PKIB: variants seen among roughly 807,000 people sequenced by gnomAD.
The protein encoded by PKIB is PKI-beta.
In PKIB, 2 loss-of-function variants were observed where a neutral mutation model predicts 4.5. That is an observed-to-expected ratio of 0.44 (90% CI 0.18 to 1.39). PKIB has a LOEUF of 1.39. Ranked by LOEUF, PKIB falls within the 40% of genes most tolerant of loss-of-function variation. The probability of loss-of-function intolerance (pLI) is 0.27; values close to 1 mark genes in which losing one functional copy is unlikely to be tolerated. For missense variants in PKIB, 94 were observed against 92.6 expected (o/e 1.02, Z -0.06); for synonymous variants, 38 against 36.0 (o/e 1.06, Z -0.20).
chr6:122,673,380 T>C (rs1342135893), intron 2 of PKIB, among the ~76,000 whole-genome samples: 1 of 152,242 alleles, frequency 6.6e-6, no homozygotes, highest in African/African-American at 2.4e-5. Context: ...TCATGTCTTT[T>C]AGGTGTGTAT....
At chr6:122,616,855 G>A (rs1037039273) in intron 1 of PKIB, among the ~76,000 whole-genome samples, 8 of 152,022 alleles carry the variant, frequency 5.3e-5, no homozygotes, top group South Asian at 2.1e-4. Context: ...CACTAATTTC[G>A]TTTATTCTCC....
At chr6:122,588,368 A>G (rs1257448497) in intron 3 of PKIB, among the ~76,000 whole-genome samples, 1 of 152,092 alleles carries the variant, frequency 6.6e-6, no homozygotes, top group Non-Finnish European at 1.5e-5. Flanking sequence ...ATTGGTCTAG[A>G]TTCAATGCCA....
At chr6:122,676,610 A>G (rs1777685449) in intron 3 of PKIB, among the ~76,000 whole-genome samples, 1 of 152,198 alleles carries the variant, frequency 6.6e-6, no homozygotes, top group African/African-American at 2.4e-5. Context: ...ATTCCAGGAT[A>G]TCACTGAAAC....
intron 2 of PKIB, among the ~76,000 whole-genome samples, chr6:122,652,515 A>C (rs1001206100): frequency 6.6e-6 from 1 of 152,184 alleles, no homozygotes; most frequent in African/African-American, 2.4e-5. Context: ...AAACCCACCC[A>C]GATTATTGAT....
At chr6:122,516,252 T>C (rs1243269424) in intron 2 of PKIB, among the ~76,000 whole-genome samples, 1 of 152,196 alleles carries the variant, frequency 6.6e-6, no homozygotes, top group Non-Finnish European at 1.5e-5. Flanking sequence ...GGTCTTCTGC[T>C]TCTCTCATCA....
intron 2 of PKIB, among the ~76,000 whole-genome samples, chr6:122,663,410 A>G (rs1479948934): frequency 2.6e-5 from 4 of 152,208 alleles, no homozygotes; most frequent in Admixed American, 2.6e-4. Flanking sequence ...AGAGTCTACC[A>G]TCATCCCTAC....
chr6:122,699,119 C>A (rs191271564), intron 3 of PKIB, among the ~76,000 whole-genome samples: 3 of 152,206 alleles, frequency 2.0e-5, no homozygotes, highest in African/African-American at 4.8e-5. Context: ...TGTGCAGTAG[C>A]AAGGCTGCTG....
chr6:122,538,562 T>C (rs1483832959), intron 2 of PKIB, among the ~76,000 whole-genome samples: 1 of 152,108 alleles, frequency 6.6e-6, no homozygotes, highest in East Asian at 1.9e-4. Flanking sequence ...ACCAGTACCA[T>C]GCTGTTTTGG....
At chr6:122,563,041 T>A (rs760221595) in intron 2 of PKIB, among the ~76,000 whole-genome samples, 2 of 152,170 alleles carry the variant, frequency 1.3e-5, no homozygotes, top group Non-Finnish European at 2.9e-5. Context: ...AAGAGCTTTT[T>A]TTTGTCATAT....
intron 2 of PKIB, among the ~76,000 whole-genome samples, chr6:122,506,702 T>TC (rs1453148063): frequency 1.4e-5 from 2 of 145,860 alleles, no homozygotes; most frequent in African/African-American, 5.1e-5. Context: ...TAATTTTTTT[T>TC]TTTTTTTTTT....
chr6:122,633,442 G>A (rs1167690948), intron 2 of PKIB, 75 bp downstream of exon 2: 1 of 152,128 alleles, frequency 6.6e-6, no homozygotes, highest in African/African-American at 2.4e-5. Context: ...AAATATATTT[G>A]TTGCTATAAA....
At chr6:122,653,552 G>T (rs1007501035) in intron 2 of PKIB, among the ~76,000 whole-genome samples, 1 of 148,098 alleles carries the variant, frequency 6.8e-6, no homozygotes, top group African/African-American at 2.5e-5. Context: ...GGGGCGGGAT[G>T]AGGTGGGGGG....
At chr6:122,685,108 A>G (rs1428272076) in intron 3 of PKIB, among the ~76,000 whole-genome samples, 1 of 152,186 alleles carries the variant, frequency 6.6e-6, no homozygotes, top group Admixed American at 6.5e-5. Flanking sequence ...ATAGACAGTG[A>G]TAGAATTAGG....
At chr6:122,647,038 C>T (rs1238586156) in intron 2 of PKIB, among the ~76,000 whole-genome samples, 2 of 151,924 alleles carry the variant, frequency 1.3e-5, no homozygotes, top group African/African-American at 4.8e-5. Flanking sequence ...AGGCTTCCAC[C>T]AGAGAAACAG....
At chr6:122,602,854 G>T (rs958226912) in intron 3 of PKIB, among the ~76,000 whole-genome samples, 6 of 151,280 alleles carry the variant, frequency 4.0e-5, no homozygotes, top group African/African-American at 1.5e-4. Context: ...TACCTGAGAG[G>T]CTGAGACAGG....
intron 2 of PKIB, among the ~76,000 whole-genome samples, chr6:122,542,630 G>C (rs189517763): frequency 6.6e-6 from 1 of 152,066 alleles, no homozygotes; most frequent in Non-Finnish European, 1.5e-5. Context: ...TGCCCCTACT[G>C]GGGGGTGCCT....
rs1298450784 is a variant in PKIB at position 122,726,044 on chromosome 6, T to C, written c.*849T>C. 3 of 152,162 alleles carry C rather than the reference T, an allele frequency of 2.0e-5. No individual in the cohort carries two copies. The highest frequency in any genetic ancestry group is 4.4e-5 in the Non-Finnish European group (3 of 68,006). The allele number at this position is 152,162 out of a possible 1,614,324, so 9.4% of individuals were successfully genotyped here. A position where few individuals can be genotyped will look rare whatever the true frequency, so the allele number is the denominator to read the frequency against. ...TCAGCAATGCAGACCTTAATTTTTA[T>C]ATTTTTTTAAAGTAGCTAACATAGC... On this transcript the variant is annotated 3_prime_UTR_variant, in exon 5 of 5. Coordinates refer to ENST00000368452, the MANE Select transcript of PKIB (RefSeq NM_181795.3).
chr6:122,700,827 C>T (rs1345717728), intron 3 of PKIB, among the ~76,000 whole-genome samples: 1 of 152,160 alleles, frequency 6.6e-6, no homozygotes, highest in East Asian at 1.9e-4. Context: ...GAAGTGGCTG[C>T]CTCTTCCTCT....
Position 122,472,387 on chromosome 6 carries a change from T to C in PKIB, c.-337+346T>C, listed in dbSNP as rs182751357. Among the ~76,000 whole-genome samples the C allele has an allele frequency of 1.0e-3, 153 of 152,356 alleles. 2 individuals are homozygous for C. The highest frequency in any genetic ancestry group is 8.5e-3 in the Admixed American group (130 of 15,304). On this transcript the variant is annotated intron_variant, in intron 1 of 6. Coordinates refer to the PKIB transcript ENST00000392491. Reference sequence around the variant, plus strand: ...ATTTTAATTTCTTATGCTATTAAGATGTTACAAGAAATTTGCACGTTAAAA... The same window carrying C: ...ATTTTAATTTCTTATGCTATTAAGACGTTACAAGAAATTTGCACGTTAAAA...
Sources: allele counts gnomAD v4.1 joint callset (sites outside exome capture counted in the v4.1 genomes callset), GRCh38; gene constraint gnomAD v4.1.1; transcripts MANE v1.5; gene names NCBI Gene and HGNC (gene_info 2026-07-23, HGNC 2026-07-21).